The following FOXP4 variants were observed in gnomAD, a reference collection of about 807,000 sequenced individuals.
The protein encoded by FOXP4 is forkhead box P4.
Under a neutral mutation model 82.6 loss-of-function variants are expected in FOXP4, and 25 were observed. The ratio of observed to expected loss-of-function variants is 0.30; its 90% CI spans 0.22 to 0.42. FOXP4 has a LOEUF of 0.42. FOXP4 is among the 10% of genes least tolerant of loss of function. FOXP4 has a pLI of 1.00. For synonymous variants in FOXP4, 415 were observed against 388.2 expected, an observed-to-expected ratio of 1.07 and a Z score of -0.81; for missense variants, 785 against 900.9, an observed-to-expected ratio of 0.87 and a Z score of 1.65.
chr6:41,589,456 G>A (rs967791307), intron 9 of FOXP4, among the ~76,000 whole-genome samples: 5 of 152,238 alleles, frequency 3.3e-5, no homozygotes, highest in African/African-American at 9.7e-5. Flanking sequence ...CCGCCCCCCC[G>A]TGGGTGGGTA....
At chr6:41,571,024 A>G (rs1581735124) in intron 2 of FOXP4, among the ~76,000 whole-genome samples, 1 of 152,290 alleles carries the variant, frequency 6.6e-6, no homozygotes, top group African/African-American at 2.4e-5. Flanking sequence ...CCCAAACCCC[A>G]GCACAGACCC....
At position 41,546,721 on chromosome 6, in the gene FOXP4, G is replaced by A. The variant is rs1763640992; in HGVS notation, c.-163G>A. 6.8e-6 allele frequency: 1 copy of A among 146,866 alleles called. No individual in the cohort carries two copies. Among genetic ancestry groups the A allele is most frequent in the Non-Finnish European group, 1.5e-5 (1 of 66,014 alleles). The allele number at this position is 146,866 out of a possible 1,614,324, so 9.1% of individuals were successfully genotyped here. A position where few individuals can be genotyped will look rare whatever the true frequency, so the allele number is the denominator to read the frequency against. On this transcript the variant is annotated 5_prime_UTR_variant, in exon 1 of 17. Transcript: ENST00000307972. ...CGCGGCGGTCGGCCCGGCGCGCTGG[G>A]AGGACGCCCGGGAGCTGCGCGACGC...
chr6:41,595,626 G>GTTA (rs1766787603), intron 14 of FOXP4, among the ~76,000 whole-genome samples: 1 of 151,862 alleles, frequency 6.6e-6, no homozygotes, highest in Admixed American at 6.6e-5. Flanking sequence ...TTTTGAGAAG[G>GTTA]AGTTTTGTTC....
At chr6:41,587,715 G>T in intron 7 of FOXP4, 78 bp from the exon 8 acceptor site, 1 of 1,010,472 alleles carries the variant, frequency 9.9e-7, no homozygotes, top group Non-Finnish European at 1.5e-6. Flanking sequence ...ACCAGCAGGG[G>T]AGCTGGTGCT....
At chr6:41,587,178 C>T in intron 6 of FOXP4, 22 bp downstream of exon 6, 1 of 1,608,400 alleles carries the variant, frequency 6.2e-7, no homozygotes, top group Non-Finnish European at 8.5e-7. Flanking sequence ...CCACTCCTCC[C>T]CTCCCAGCCC....
At chr6:41,570,978 A>T (rs1447827173) in intron 2 of FOXP4, among the ~76,000 whole-genome samples, 1 of 152,114 alleles carries the variant, frequency 6.6e-6, no homozygotes, top group East Asian at 1.9e-4. Flanking sequence ...CTCCAACCCT[A>T]CATTGCAGAG....
Position 41,578,014 on chromosome 6 carries a change from TGCA to T in FOXP4, c.238_240del (p.Gln80del). On this transcript the variant is annotated inframe_deletion, in exon 3 of 17. Transcript: ENST00000307972. ...CTCCAAGTGGCCCGGCAGTTCCTGC[TGCA>T]GCAGGCCTCAGGCCTGAGCTCCCCA... The T allele has an allele frequency of 1.2e-6, 2 of 1,613,242 alleles. No individual in the cohort carries two copies. Among genetic ancestry groups the T allele is most frequent in the Non-Finnish European group, 1.7e-6 (2 of 1,179,990 alleles).
chr6:41,554,860 CAA>C (rs897133160), intron 1 of FOXP4, among the ~76,000 whole-genome samples: 8 of 131,434 alleles, frequency 6.1e-5, no homozygotes, highest in Admixed American at 7.6e-5. Flanking sequence ...ACTCTGCCTC[CAA>C]AAAAAAAAAA....
intron 5 of FOXP4, 59 bp from the exon 6 acceptor site, chr6:41,586,950 A>G (rs1320928321): frequency 1.3e-6 from 2 of 1,518,260 alleles, no homozygotes; most frequent in African/African-American, 2.8e-5. Flanking sequence ...TGGGGGCCAG[A>G]TGGCATGCCT....
In FOXP4 at chr6:41,565,716, T is replaced by G. The variant is rs200666633; in HGVS notation, c.-16-29T>G. ...GCCCTTTCAGCCTTCAGCCTCAGCCTCTCCCCTGTGTCTCTCTTCCTCCTC... is the reference window on the plus strand; with the variant it reads ...GCCCTTTCAGCCTTCAGCCTCAGCCGCTCCCCTGTGTCTCTCTTCCTCCTC... On this transcript the variant is annotated intron_variant, in intron 1 of 16. Coordinates refer to ENST00000307972, the MANE Select transcript of FOXP4 (RefSeq NM_001012426.2). 2.1e-4 allele frequency: 319 copies of G among 1,550,874 alleles called. 1 individual carries two copies. In the African/African-American group the frequency reaches 4.0e-3, roughly 19 times the overall value.
chr6:41,599,022 C>CGAGCCTCAAGGCAAGTCCAGG lies in FOXP4; in HGVS notation c.*87_*107dup. On this transcript the variant is annotated 3_prime_UTR_variant, in exon 17 of 17. Coordinates refer to ENST00000307972, the MANE Select transcript of FOXP4 (RefSeq NM_001012426.2). Reference sequence around the variant, plus strand: ...TCTCCCCCAACTCCACAGCCCCTCCCGAGCCTCAAGGCAAGTCCAGGACTC... The same window carrying CGAGCCTCAAGGCAAGTCCAGG: ...TCTCCCCCAACTCCACAGCCCCTCCCGAGCCTCAAGGCAAGTCCAGGGAGCCTCAAGGCAAGTCCAGGACTC... The CGAGCCTCAAGGCAAGTCCAGG allele has an allele frequency of 2.1e-6, 3 of 1,448,616 alleles. No individual in the cohort carries two copies. The highest frequency in any genetic ancestry group is 2.7e-6 in the Non-Finnish European group (3 of 1,098,060). 89.7% of individuals were successfully genotyped at this position (1,448,616 alleles called of 1,614,324 possible). A position where few individuals can be genotyped will look rare whatever the true frequency, so the allele number is the denominator to read the frequency against.
chr6:41,585,528 G>A lies in FOXP4; in HGVS notation c.510+11G>A, dbSNP rs1159183487. 1 of 1,612,018 alleles carries A rather than the reference G, an allele frequency of 6.2e-7. No homozygotes were observed. Among genetic ancestry groups the A allele is most frequent in the Middle Eastern group, 1.7e-4 (1 of 6,050 alleles). On this transcript the variant is annotated intron_variant, in intron 5 of 16. Coordinates refer to ENST00000307972, the MANE Select transcript of FOXP4 (RefSeq NM_001012426.2). The stretch of plus-strand genomic sequence containing the variant: ...CCGCAGCCCAAAGAGGTAAGGGGCT[G>A]TACCAGGGCCCACCACCGCCCTCAC...
rs2127408288 is a variant in FOXP4 at position 41,597,205 on chromosome 6, C to G, written c.1688C>G (p.Ser563Cys). 2 of 1,614,200 alleles carry G rather than the reference C, an allele frequency of 1.2e-6. No individual in the cohort carries two copies. The highest frequency in any genetic ancestry group is 4.5e-5 in the East Asian group (2 of 44,878). ...CCCACCCTGGTGAAGAACATGATCT[C>G]TGGCCTCAGCTATGGAGCACTTAAT... ...GSPTLVKNMI[S>C]GLSYGALNAS... Residue 563 changes from serine to cysteine, a missense_variant, in exon 15 of 17, where the codon TCT becomes TGT. This residue lies in a region of FOXP4 where 184 missense variants were observed against 187.3 expected (regional missense o/e 0.98). Transcript: ENST00000307972.
chr6:41,599,068 A>C lies in FOXP4; in HGVS notation c.*132A>C, dbSNP rs994479798. 2 of 1,263,964 alleles carry C rather than the reference A, an allele frequency of 1.6e-6. No homozygotes were observed. Among genetic ancestry groups the C allele is most frequent in the Non-Finnish European group, 2.1e-6 (2 of 933,218 alleles). 78.3% of individuals were successfully genotyped at this position (1,263,964 alleles called of 1,614,324 possible). The stretch of plus-strand genomic sequence containing the variant: ...GACTCAGACCGGGGAGGCCCGGGCC[A>C]GCAGCTCCCAGTGTGACCTGACAAA... On this transcript the variant is annotated 3_prime_UTR_variant, in exon 17 of 17. Coordinates refer to ENST00000307972, the MANE Select transcript of FOXP4 (RefSeq NM_001012426.2).
chr6:41,574,321 C>T (rs1187519955), intron 2 of FOXP4, among the ~76,000 whole-genome samples: 1 of 152,224 alleles, frequency 6.6e-6, no homozygotes, highest in African/African-American at 2.4e-5. Context: ...TGTTTGGACT[C>T]TGCCACTTCC....
chr6:41,571,067 G>C (rs1765172233), intron 2 of FOXP4, among the ~76,000 whole-genome samples: 2 of 152,180 alleles, frequency 1.3e-5, no homozygotes, highest in Non-Finnish European at 2.9e-5. Flanking sequence ...ACTGGTGGGA[G>C]GGATGTATGT....
intron 2 of FOXP4, among the ~76,000 whole-genome samples, chr6:41,567,284 G>A (rs1764937412): frequency 6.6e-6 from 1 of 152,220 alleles, no homozygotes; most frequent in African/African-American, 2.4e-5. Flanking sequence ...TTGTTGATGT[G>A]GATGTGAGTG....
Position 41,591,406 on chromosome 6 carries a change from T to A in FOXP4, c.1536+84T>A. 8.4e-7 allele frequency: 1 copy of A among 1,194,576 alleles called. No individual in the cohort carries two copies. The highest frequency in any genetic ancestry group is 1.2e-6 in the Non-Finnish European group (1 of 831,664). The allele number at this position is 1,194,576 out of a possible 1,614,324, so 74.0% of individuals were successfully genotyped here. A position where few individuals can be genotyped will look rare whatever the true frequency, so the allele number is the denominator to read the frequency against. ...ATGGAGACCAAGGCTGCCTAACAAT[T>A]AGTTCCCTAAACCATTAGTCCTGCA... On this transcript the variant is annotated intron_variant, in intron 13 of 16. Coordinates refer to ENST00000307972, the MANE Select transcript of FOXP4 (RefSeq NM_001012426.2). This position sits in a 1 kb window ranked among gnomAD's most constrained non-coding sequence, Gnocchi z 4.2.
Position 41,565,764 on chromosome 6 carries a change from A to T in FOXP4, c.4A>T (p.Met2Leu). 1 of 1,600,328 alleles carries T rather than the reference A, an allele frequency of 6.2e-7. No homozygotes were observed. Among genetic ancestry groups the T allele is most frequent in the African/African-American group, 1.3e-5 (1 of 74,862 alleles). ...CTCCAGGTACCGCTAGAGCGACATGATGGTGGAATCTGCCTCGGAGACAAT... is the reference window on the plus strand; with the variant it reads ...CTCCAGGTACCGCTAGAGCGACATGTTGGTGGAATCTGCCTCGGAGACAAT... M[M>L]VESASETIRS... Residue 2 changes from methionine (M) to leucine (L), a missense_variant, in exon 2 of 17, where the codon ATG (methionine) becomes TTG (leucine). Physicochemically the swap from Met to Leu is conservative, Grantham distance 15 (BLOSUM62 2). This residue lies in a region of FOXP4 where 570 missense variants were observed against 634.0 expected (regional missense o/e 0.90). Transcript: ENST00000307972.
Sources: gnomAD v4.1 joint callset for allele counts (sites outside exome capture counted in the v4.1 genomes callset) on GRCh38, gnomAD v4.1.1 for gene constraint, gnomAD v4.1.1 regional missense constraint, Gnocchi (gnomAD v3.1) non-coding constraint, MANE v1.5 for transcripts, NCBI Gene and HGNC (gene_info 2026-07-23, HGNC 2026-07-21) for gene names.